The following EPHB2 variants were observed in gnomAD, a reference collection of about 807,000 sequenced individuals.
EPHB2 encodes ephrin type-B receptor 2.
A neutral mutation model predicts 96.4 loss-of-function variants in EPHB2; 18 were observed. That is an observed-to-expected ratio of 0.19 (90% CI 0.13 to 0.28). EPHB2 has a LOEUF of 0.28. Among genes scored for constraint, EPHB2 ranks in the 10% least tolerant of loss-of-function variants. The pLI, the probability that EPHB2 is intolerant of heterozygous loss-of-function variation, is 1.00. For missense variants in EPHB2, 989 were observed against 1,355.4 expected (o/e 0.73, Z 4.25); for synonymous variants, 506 against 534.1 (o/e 0.95, Z 0.72).
chr1:22,770,523 T>C (rs904471547), intron 1 of EPHB2, among the ~76,000 whole-genome samples: 1 of 152,158 alleles, frequency 6.6e-6, no homozygotes, highest in Non-Finnish European at 1.5e-5. Context: ...CTGTGTCTTA[T>C]TGATTTGTAA....
chr1:22,899,424 C>T (rs573366420), intron 9 of EPHB2, among the ~76,000 whole-genome samples: 1 of 151,832 alleles, frequency 6.6e-6, no homozygotes, highest in South Asian at 2.1e-4. Context: ...TCCCTTGAAC[C>T]CGGGAGGTGA....
At chr1:22,735,543 C>A (rs1263083764) in intron 1 of EPHB2, among the ~76,000 whole-genome samples, 1 of 152,138 alleles carries the variant, frequency 6.6e-6, no homozygotes, top group Non-Finnish European at 1.5e-5. Flanking sequence ...CTGGCTTACC[C>A]CAGGCCTGAG....
At chr1:22,911,398 C>G (rs1640100147) in intron 14 of EPHB2, among the ~76,000 whole-genome samples, 1 of 152,142 alleles carries the variant, frequency 6.6e-6, no homozygotes. Flanking sequence ...GGCTCTCACA[C>G]CTACACACAT....
intron 1 of EPHB2, among the ~76,000 whole-genome samples, chr1:22,734,579 G>A (rs570380325): frequency 1.3e-5 from 2 of 151,996 alleles, no homozygotes; most frequent in Admixed American, 1.3e-4. Flanking sequence ...GCACCACTGC[G>A]CCCGACTAAT....
chr1:22,814,087 T>G (rs1645039334), intron 3 of EPHB2, among the ~76,000 whole-genome samples: 2 of 152,060 alleles, frequency 1.3e-5, no homozygotes, highest in South Asian at 4.1e-4. Flanking sequence ...CAGGAGACTC[T>G]TGAACCTGGG....
intron 3 of EPHB2, among the ~76,000 whole-genome samples, chr1:22,812,088 C>T (rs6668788): frequency 0.56 from 85,087 of 152,142 alleles, 26,085 homozygotes; most frequent in Non-Finnish European, 0.7. Flanking sequence ...CTGTGTGGCC[C>T]GGGGCAAGTC....
At chr1:22,903,100 C>T (rs1166664715) in intron 9 of EPHB2, among the ~76,000 whole-genome samples, 1 of 152,242 alleles carries the variant, frequency 6.6e-6, no homozygotes, top group Admixed American at 6.5e-5. Flanking sequence ...GAATGCCAGG[C>T]AGGGGCATGC....
At chr1:22,761,908 G>A (rs1366057430) in intron 1 of EPHB2, among the ~76,000 whole-genome samples, 1 of 152,236 alleles carries the variant, frequency 6.6e-6, no homozygotes, top group East Asian at 1.9e-4. Flanking sequence ...AGAGGGAGGG[G>A]GGCGTCCACG....
At chr1:22,827,896 C>T (rs1017411507) in intron 3 of EPHB2, among the ~76,000 whole-genome samples, 1 of 152,254 alleles carries the variant, frequency 6.6e-6, no homozygotes, top group East Asian at 1.9e-4. Flanking sequence ...CCTTCACCAT[C>T]CACATGCATT....
intron 6 of EPHB2, among the ~76,000 whole-genome samples, chr1:22,883,404 C>T (rs937232960): frequency 2.0e-5 from 3 of 152,204 alleles, no homozygotes; most frequent in Non-Finnish European, 4.4e-5. Flanking sequence ...ACATCAGAGG[C>T]CCCAGGAAGC....
At chr1:22,714,092 A>G (rs928100979) in intron 1 of EPHB2, among the ~76,000 whole-genome samples, 4 of 152,114 alleles carry the variant, frequency 2.6e-5, no homozygotes, top group Non-Finnish European at 4.4e-5. Flanking sequence ...AAATATCGAT[A>G]GAGTTTCCTC....
At chr1:22,770,326 T>C (rs868141929) in intron 1 of EPHB2, among the ~76,000 whole-genome samples, 18 of 152,150 alleles carry the variant, frequency 1.2e-4, no homozygotes, top group African/African-American at 4.3e-4. Context: ...GTAAATTTCA[T>C]GTAGCTAAAT....
At chr1:22,714,296 T>C (rs1269669053) in intron 1 of EPHB2, among the ~76,000 whole-genome samples, 1 of 152,208 alleles carries the variant, frequency 6.6e-6, no homozygotes, top group East Asian at 1.9e-4. Flanking sequence ...ATGCATTGCC[T>C]CATTTTCTCA....
Position 22,906,980 on chromosome 1 carries a change from G to A in EPHB2, c.2136+23G>A. ...CGGGTAGGGGAAGCCAAGAGGGCCA[G>A]GGGCCCATGAATGGGGCAGGAAAAG... is the stretch of plus-strand genomic sequence containing the variant. On this transcript the variant is annotated intron_variant, in intron 11 of 15. Transcript: ENST00000374630. This position sits in a 1 kb window ranked among gnomAD's most constrained non-coding sequence, Gnocchi z 4.8. 1.3e-6 allele frequency: 2 copies of A among 1,590,008 alleles called. No homozygotes were observed. The highest frequency in any genetic ancestry group is 2.2e-5 in the East Asian group (1 of 44,552).
chr1:22,903,210 G>T (rs572949077), intron 9 of EPHB2, among the ~76,000 whole-genome samples: 1 of 152,200 alleles, frequency 6.6e-6, no homozygotes, highest in Non-Finnish European at 1.5e-5. Context: ...GACCAAGGAG[G>T]GTTTGAGCTG....
At chr1:22,808,758 A>G (rs1337718288) in intron 3 of EPHB2, among the ~76,000 whole-genome samples, 1 of 152,228 alleles carries the variant, frequency 6.6e-6, no homozygotes, top group African/African-American at 2.4e-5. Context: ...CTCATTTTAC[A>G]ACGAGAAAAG....
At chr1:22,893,150 C>T in intron 7 of EPHB2, 104 bp downstream of exon 7, 1 of 1,567,302 alleles carries the variant, frequency 6.4e-7, no homozygotes. Context: ...TTAGAAAAGG[C>T]ACTCCCTTCT....
chr1:22,854,511 CAAAAG>C (rs1645671672), intron 3 of EPHB2, among the ~76,000 whole-genome samples: 1 of 152,042 alleles, frequency 6.6e-6, no homozygotes, highest in Non-Finnish European at 1.5e-5. Context: ...GAACCTGTCT[CAAAAG>C]AAAGAAAAAA....
At chr1:22,802,589 G>A (rs1372818130) in intron 3 of EPHB2, among the ~76,000 whole-genome samples, 1 of 152,080 alleles carries the variant, frequency 6.6e-6, no homozygotes, top group Admixed American at 6.5e-5. Flanking sequence ...AGAGGAGAAA[G>A]GTCTGGCTCG....
Sources: allele counts gnomAD v4.1 joint callset (sites outside exome capture counted in the v4.1 genomes callset), GRCh38; gene constraint gnomAD v4.1.1; non-coding constraint Gnocchi (gnomAD v3.1); transcripts MANE v1.5; gene names NCBI Gene and HGNC (gene_info 2026-07-23, HGNC 2026-07-21).